The following PKD1 variants were observed in gnomAD, a reference collection of about 807,000 sequenced individuals.
PKD1 encodes the protein polycystin 1, transient receptor potential channel interacting, also known as polycystin-1.
A neutral mutation model predicts 361.7 loss-of-function variants in PKD1; 81 were observed. The ratio of observed to expected loss-of-function variants is 0.22; its 90% CI spans 0.19 to 0.27. PKD1 has a LOEUF of 0.27. Ranked by LOEUF, PKD1 falls within the 10% of genes least tolerant of loss-of-function variation. The pLI is 1.00. For synonymous variants in PKD1, 3,615 were observed against 2,818.3 expected (o/e 1.28, Z -8.95); for missense variants, 6,399 against 6,118.3 (o/e 1.05, Z -1.53).
chr16:2,132,537 T>C (rs1196347623), intron 1 of PKD1, among the ~76,000 whole-genome samples: 1 of 132,590 alleles, frequency 7.5e-6, no homozygotes, highest in Non-Finnish European at 1.5e-5. Context: ...ATCATGCCAC[T>C]GCACTGCGGC....
In PKD1 at chr16:2,097,957, C is replaced by T. The variant is rs753152916; in HGVS notation, c.10078G>A (p.Ala3360Thr). 6.3e-7 allele frequency: 1 copy of T among 1,598,300 alleles called. No individual in the cohort carries two copies. Among genetic ancestry groups the T allele is most frequent in the East Asian group, 2.2e-5 (1 of 44,790 alleles). The change falls in exon 31 of 46, where the codon GCC becomes ACC. Residue 3360 changes from alanine to threonine, a missense_variant. Coordinates refer to ENST00000262304, the MANE Select transcript of PKD1 (RefSeq NM_001009944.3). The part of the protein sequence containing the change: ...KVAGSPSPTP[A>T]GQQVLDIDSC... The stretch of plus-strand genomic sequence containing the variant: ...TCGATGTCCAGCACCTGCTGCCCGG[C>T]AGGTGTGGGGCTCGGGCTCCCAGCC...
rs117955701 is a variant in PKD1, at chr16:2,111,723, C to T, written c.3444G>A (p.Pro1148=). The T allele has an allele frequency of 1.0e-3, 1,600 of 1,593,056 alleles. 29 individuals are homozygous for T. In the East Asian group the frequency reaches 0.03, roughly 30 times the overall value. ...CACCCCCAGGCGAGGGCAGCGGGTG[C>T]GGGTAGAAGGTGACGGGCCGGCCGG... is the stretch of plus-strand genomic sequence containing the variant. ...LVAGRPVTFY[P]HPLPSPGGVL... is the part of the protein sequence containing the mutation. The change falls in exon 15 of 46, where the codon CCG becomes CCA. Residue 1148 remains proline (P), a synonymous_variant. Transcript: ENST00000262304.
rs141132307 is a variant in PKD1 at position 2,090,459 on chromosome 16, G to A, written c.12270C>T (p.Leu4090=). The A allele has an allele frequency of 6.2e-7, 1 of 1,612,352 alleles. No homozygotes were observed. The highest frequency in any genetic ancestry group is 8.5e-7 in the Non-Finnish European group (1 of 1,179,784). Residue 4090 remains leucine (L), a synonymous_variant, in exon 45 of 46, where the codon CTC becomes CTT. Coordinates refer to ENST00000262304, the MANE Select transcript of PKD1 (RefSeq NM_001009944.3). ...GGGCGCCCCACAGCCGCAGTGCCCA[G>A]AGCCCCACACACAGCAGGGGTGACA... ...WHLSPLLCVG[L]WALRLWGALR... is the part of the protein sequence containing the mutation.
chr16:2,088,872 T>TGC lies in PKD1; in HGVS notation c.*853_*854dup, dbSNP rs561630495. The TGC allele has an allele frequency of 6.4e-3, 3,189 of 499,932 alleles. 16 individuals carry two copies. Among genetic ancestry groups the TGC allele is most frequent in the African/African-American group, 0.022 (1,037 of 47,602 alleles). The allele number at this position is 499,932 out of a possible 1,614,324, so 31.0% of individuals were successfully genotyped here. On this transcript the variant is annotated 3_prime_UTR_variant, in exon 46 of 46. Coordinates refer to ENST00000262304, the MANE Select transcript of PKD1 (RefSeq NM_001009944.3). The stretch of plus-strand genomic sequence containing the variant: ...CTGGGCCATACAGCACACTCGCGCG[T>TGC]GCGCGCGCGCACACACACACACACA...
At chr16:2,126,491 G>A (rs2092801651) in intron 1 of PKD1, among the ~76,000 whole-genome samples, 1 of 152,268 alleles carries the variant, frequency 6.6e-6, no homozygotes, top group Admixed American at 6.5e-5. Flanking sequence ...GGGCACCCTG[G>A]CCCCTAGGCA....
Position 2,111,582 on chromosome 16 carries a change from G to A in PKD1, c.3585C>T (p.Asn1195=). The stretch of plus-strand genomic sequence containing the variant: ...CCTGGGCCGCCGCACCGCTCACCGT[G>A]TTGTTGACCTCCAGGCGCACGTGGT... ...GTYHVRLEVN[N]TVSGAAAQAD... Residue 1195 remains asparagine (N), a synonymous_variant, in exon 15 of 46, where the codon AAC becomes AAT. Coordinates refer to ENST00000262304, the MANE Select transcript of PKD1 (RefSeq NM_001009944.3). The A allele has an allele frequency of 6.3e-7, 1 of 1,576,034 alleles. No individual in the cohort carries two copies.
At chr16:2,122,465 G>A (rs1469892131) in intron 1 of PKD1, among the ~76,000 whole-genome samples, 4 of 152,246 alleles carry the variant, frequency 2.6e-5, no homozygotes, top group Admixed American at 6.5e-5. Flanking sequence ...CTACACCAAG[G>A]TAGGGACACG....
rs1204852446 is a variant in PKD1, at chr16:2,108,815, C to G, written c.6352G>C (p.Gly2118Arg). ...GCGTTCACCTGCACGCGGTAGTCCC[C>G]AGGCCTCAGGTAGGAGTGCTCGGCC... Reference protein sequence around the residue: ...PRAEHSYLRPGDYRVQVNASN... With the variant: ...PRAEHSYLRPRDYRVQVNASN... Residue 2118 changes from glycine (G) to arginine (R), a missense_variant, in exon 15 of 46, where the codon GGG (glycine) becomes CGG (arginine). Coordinates refer to ENST00000262304, the MANE Select transcript of PKD1 (RefSeq NM_001009944.3). 2 of 1,568,832 alleles carry G rather than the reference C, an allele frequency of 1.3e-6. No individual in the cohort carries two copies. Among genetic ancestry groups the G allele is most frequent in the South Asian group, 2.3e-5 (2 of 85,928 alleles).
intron 1 of PKD1, 108 bp from the exon 2 acceptor site, chr16:2,119,486 C>T (rs567316652): frequency 1.6e-5 from 11 of 704,638 alleles, no homozygotes; most frequent in Non-Finnish European, 2.3e-5. Flanking sequence ...GGCCTCCCAC[C>T]CTTGAGCTCC....
chr16:2,100,690 G>C lies in PKD1; in HGVS notation c.9398-124C>G. ...GAGCCACACAGGCAGTCCCGGCTTT[G>C]CACGGCTCTGCCATACACAAGGAGC... On this transcript the variant is annotated intron_variant, in intron 26 of 45. Coordinates refer to ENST00000262304, the MANE Select transcript of PKD1 (RefSeq NM_001009944.3). This position sits in a 1 kb window ranked among gnomAD's most constrained non-coding sequence, Gnocchi z 4.4. 2 of 775,080 alleles carry C rather than the reference G, an allele frequency of 2.6e-6. No homozygotes were observed. The highest frequency in any genetic ancestry group is 2.5e-5 in the East Asian group (1 of 39,348). 48.0% of individuals were successfully genotyped at this position (775,080 alleles called of 1,614,324 possible). A position where few individuals can be genotyped will look rare whatever the true frequency, so the allele number is the denominator to read the frequency against.
intron 14 of PKD1, 29 bp from the exon 15 acceptor site, chr16:2,111,900 C>T (rs1210463902): frequency 2.3e-5 from 37 of 1,608,348 alleles, no homozygotes; most frequent in Non-Finnish European, 2.9e-5. Context: ...GTGGGGCAGC[C>T]GCGGCACCCC....
chr16:2,122,982 T>C (rs1015211609), intron 1 of PKD1, among the ~76,000 whole-genome samples: 1 of 152,114 alleles, frequency 6.6e-6, no homozygotes, highest in African/African-American at 2.4e-5. Flanking sequence ...TTCTGGAAAA[T>C]CCATCAAGAG....
In PKD1 at chr16:2,098,427, CT is replaced by C. The variant is rs879566217; in HGVS notation, c.10051-444del. Reference sequence around the variant, plus strand: ...GTTTCACTGTGTTGGCCAGGCTGGTCTTGGAACTCCTGACCTCAAGTGATCT... The same window carrying C: ...GTTTCACTGTGTTGGCCAGGCTGGTCTGGAACTCCTGACCTCAAGTGATCT... On this transcript the variant is annotated intron_variant, in intron 30 of 45. Coordinates refer to ENST00000262304, the MANE Select transcript of PKD1 (RefSeq NM_001009944.3). Among the ~76,000 whole-genome samples the C allele has an allele frequency of 4.9e-3, 732 of 149,502 alleles. 6 individuals carry two copies. The highest frequency in any genetic ancestry group is 8.3e-3 in the Non-Finnish European group (562 of 67,392).
intron 16 of PKD1, 183 bp from the exon 17 acceptor site, chr16:2,107,131 G>A (rs1484427135): frequency 8.9e-6 from 6 of 674,382 alleles, no homozygotes; most frequent in Admixed American, 2.1e-5. Flanking sequence ...ACGGCGGAAG[G>A]GCATACACAG....
In PKD1 at chr16:2,114,700, T is replaced by C. The variant is rs1263997884; in HGVS notation, c.2323A>G (p.Thr775Ala). Residue 775 changes from threonine (T) to alanine (A), a missense_variant, in exon 11 of 46, where the codon ACG becomes GCG. Thr to Ala is a moderately conservative substitution (Grantham distance 58). Coordinates refer to ENST00000262304, the MANE Select transcript of PKD1 (RefSeq NM_001009944.3). ...CCCAGCAGCACGGTGAGCTGTTCCGTGGCTGCAAGCAGCCGCAGGGCACAG... is the reference window on the plus strand; with the variant it reads ...CCCAGCAGCACGGTGAGCTGTTCCGCGGCTGCAAGCAGCCGCAGGGCACAG... ...PACALRLLAA[T>A]EQLTVLLGLR... 2.6e-6 allele frequency: 4 copies of C among 1,535,746 alleles called. No homozygotes were observed. Among genetic ancestry groups the C allele is most frequent in the East Asian group, 2.4e-5 (1 of 41,004 alleles).
rs751790528 is a variant in PKD1, at chr16:2,100,319, C to A, written c.9569-10G>T. 2 of 1,610,006 alleles carry A rather than the reference C, an allele frequency of 1.2e-6. No individual in the cohort carries two copies. Among genetic ancestry groups the A allele is most frequent in the Non-Finnish European group, 1.7e-6 (2 of 1,179,250 alleles). On this transcript the variant is annotated splice_polypyrimidine_tract_variant and intron_variant, in intron 27 of 45. Transcript: ENST00000262304. The surrounding 1 kb of genome is among the most constrained non-coding windows in gnomAD (Gnocchi z 4.4). ...CAGGCAGGGCTGAGCCCTGCAGAGGCGCAGGAGGGAGGTCAGGCTCGCAGG... is the reference window on the plus strand; with the variant it reads ...CAGGCAGGGCTGAGCCCTGCAGAGGAGCAGGAGGGAGGTCAGGCTCGCAGG...
At chr16:2,095,635 C>T (rs867712503) in intron 34 of PKD1, among the ~76,000 whole-genome samples, 4 of 152,176 alleles carry the variant, frequency 2.6e-5, no homozygotes, top group Non-Finnish European at 4.4e-5. Context: ...AAAGGAGCCA[C>T]GGGACGCGCT....
rs745498965 is a variant in PKD1 at position 2,118,803 on chromosome 16, C to T, written c.402G>A (p.Ala134=). The part of the protein sequence containing the change: ...GNPFECDCGL[A]WLPRWAEEQQ... ...GCTCCTCCGCCCATCGCGGCAGCCA[C>T]GCCAGGCCACAGTCACACTCAAACG... is the stretch of plus-strand genomic sequence containing the variant. The change falls in exon 4 of 46, where the codon GCG becomes GCA. Residue 134 remains alanine (A), a synonymous_variant. Transcript: ENST00000262304. The surrounding 1 kb of genome is among the most constrained non-coding windows in gnomAD (Gnocchi z 6.0). 36 of 1,582,554 alleles carry T rather than the reference C, an allele frequency of 2.3e-5. No homozygotes were observed. Among genetic ancestry groups the T allele is most frequent in the Non-Finnish European group, 2.8e-5 (33 of 1,167,648 alleles).
chr16:2,116,113 C>G lies in PKD1; in HGVS notation c.1728G>C (p.Met576Ile). The G allele has an allele frequency of 1.3e-6, 2 of 1,556,366 alleles. No individual in the cohort carries two copies. Among genetic ancestry groups the G allele is most frequent in the East Asian group, 4.6e-5 (2 of 43,632 alleles). The stretch of plus-strand genomic sequence containing the variant: ...GGCTCAGACGCAGGCCCGGGAATAC[C>G]ATGACCTGGTGGGCAGGGGGCCGCC... ...LSAPHEPVEV[M>I]VFPGLRLSRE... is the part of the protein sequence containing the mutation. The change falls in exon 9 of 46, where the codon ATG becomes ATC. Residue 576 changes from methionine to isoleucine, a missense_variant. Physicochemically the swap from Met to Ile is conservative, Grantham distance 10. Transcript: ENST00000262304.
Sources: gnomAD v4.1 joint callset for allele counts (sites outside exome capture counted in the v4.1 genomes callset) on GRCh38, gnomAD v4.1.1 for gene constraint, Gnocchi (gnomAD v3.1) non-coding constraint, MANE v1.5 for transcripts, NCBI Gene and HGNC (gene_info 2026-07-23, HGNC 2026-07-21) for gene names.